The following CBLN4 variants were observed in gnomAD, a reference collection of about 807,000 sequenced individuals.
The protein encoded by CBLN4 is cerebellin 4 precursor.
Under a neutral mutation model 14.9 loss-of-function variants are expected in CBLN4, and 7 were observed. The ratio of observed to expected loss-of-function variants is 0.47; its 90% CI spans 0.27 to 0.88. The LOEUF is 0.88. Among genes scored for constraint, CBLN4 ranks in the 40% least tolerant of loss-of-function variants. CBLN4 has a pLI of 0.14. For missense variants in CBLN4, 188 were observed against 256.8 expected (o/e 0.73, Z 1.83); for synonymous variants, 131 against 116.5 (o/e 1.12, Z -0.80).
At position 56,000,778 on chromosome 20, in the gene CBLN4, T is replaced by A; in HGVS notation, c.361A>T (p.Ser121Cys). The A allele has an allele frequency of 6.2e-7, 1 of 1,602,666 alleles. No homozygotes were observed. Among genetic ancestry groups the A allele is most frequent in the Non-Finnish European group, 8.5e-7 (1 of 1,174,776 alleles). The change falls in exon 2 of 3, where the codon AGT becomes TGT. Residue 121 changes from serine to cysteine, a missense_variant. This residue lies in a region of CBLN4 where 93 missense variants were observed against 157.7 expected (regional missense o/e 0.59). Coordinates refer to ENST00000064571, the MANE Select transcript of CBLN4 (RefSeq NM_080617.6). ...ACTTTAATCACGTGAAAACTGAAAC[T>A]GTAAATTCCTTTTCTTGGTGCTACA... ...VFVAPRKGIYSFSFHVIKVYQ... is the reference protein window; with the variant it reads ...VFVAPRKGIYCFSFHVIKVYQ...
At chr20:55,998,948 T>C (rs1387749152) in intron 2 of CBLN4, among the ~76,000 whole-genome samples, 194 bp from the exon 3 acceptor site, 1 of 152,170 alleles carries the variant, frequency 6.6e-6, no homozygotes, top group Admixed American at 6.5e-5. Flanking sequence ...TTTTTAATTT[T>C]TTTTTTCTGA....
intron 1 of CBLN4, among the ~76,000 whole-genome samples, chr20:56,002,165 C>A (rs576360844): frequency 5.3e-5 from 8 of 152,120 alleles, no homozygotes; most frequent in Admixed American, 4.6e-4. Context: ...AACACATGTA[C>A]GTGTATAATT....
chr20:56,000,601 A>G, intron 2 of CBLN4, 130 bp downstream of exon 2: 1 of 463,296 alleles, frequency 2.2e-6, no homozygotes, highest in Middle Eastern at 3.1e-4. Context: ...AGTGTTTTAA[A>G]ATAAATGATA....
rs1383247582 is a variant in CBLN4, at chr20:55,997,713, C to T, written c.*844G>A. On this transcript the variant is annotated 3_prime_UTR_variant, in exon 3 of 3. Coordinates refer to ENST00000064571, the MANE Select transcript of CBLN4 (RefSeq NM_080617.6). ...TCATGTCTACGGAAAAAAAAAAAAC[C>T]TTAGGTTTTTAATAAAGTGGTTATT... 6.6e-6 allele frequency: 1 copy of T among 151,990 alleles called. No homozygotes were observed. Among genetic ancestry groups the T allele is most frequent in the Non-Finnish European group, 1.5e-5 (1 of 67,898 alleles). The allele number at this position is 151,990 out of a possible 1,614,324, so 9.4% of individuals were successfully genotyped here.
In CBLN4 at chr20:56,004,326, T is replaced by C; in HGVS notation, c.-155A>G. On this transcript the variant is annotated 5_prime_UTR_variant, in exon 1 of 3. Transcript: ENST00000064571. This position sits in a 1 kb window ranked among gnomAD's most constrained non-coding sequence, Gnocchi z 6.1. ...GCGGCGCGCACACTTCCACCAATTC[T>C]GTGGCTTGAAGTCAAAGTCTCCCCT... is the stretch of plus-strand genomic sequence containing the variant. 5 of 672,922 alleles carry C rather than the reference T, an allele frequency of 7.4e-6. No individual in the cohort carries two copies. The highest frequency in any genetic ancestry group is 1.1e-5 in the Non-Finnish European group (5 of 441,654). 41.7% of individuals were successfully genotyped at this position (672,922 alleles called of 1,614,324 possible).
At chr20:56,001,206 C>A (rs146728039) in intron 1 of CBLN4, among the ~76,000 whole-genome samples, 1 of 152,330 alleles carries the variant, frequency 6.6e-6, no homozygotes, top group African/African-American at 2.4e-5. Context: ...CTGGAAACAT[C>A]GAGCTAACAT....
intron 1 of CBLN4, among the ~76,000 whole-genome samples, chr20:56,001,320 G>A (rs1335215618): frequency 6.6e-6 from 1 of 152,206 alleles, no homozygotes; most frequent in Admixed American, 6.5e-5. Context: ...GTCCAGAGGT[G>A]ACGTTTCCAA....
chr20:56,005,368 G>C lies in CBLN4; in HGVS notation c.-1197C>G, dbSNP rs1388659089. ...TCCAAGCGGAGCGCGGCGCTGCCAG[G>C]CCGGGTCGCGAAAAAGGATAAGCCG... On this transcript the variant is annotated 5_prime_UTR_variant, in exon 1 of 3. Coordinates refer to ENST00000064571, the MANE Select transcript of CBLN4 (RefSeq NM_080617.6). 6.6e-6 allele frequency: 1 copy of C among 152,268 alleles called. No homozygotes were observed. Among genetic ancestry groups the C allele is most frequent in the Non-Finnish European group, 1.5e-5 (1 of 68,084 alleles). The allele number at this position is 152,268 out of a possible 1,614,324, so 9.4% of individuals were successfully genotyped here. A position where few individuals can be genotyped will look rare whatever the true frequency, so the allele number is the denominator to read the frequency against.
Position 56,004,149 on chromosome 20 carries a change from A to T in CBLN4, c.23T>A (p.Leu8Gln), listed in dbSNP as rs1364994440. 6.4e-7 allele frequency: 1 copy of T among 1,553,526 alleles called. No individual in the cohort carries two copies. Among genetic ancestry groups the T allele is most frequent in the African/African-American group, 1.4e-5 (1 of 72,902 alleles). The change falls in exon 1 of 3, where the codon CTG (leucine) becomes CAG (glutamine). Residue 8 changes from leucine to glutamine, a missense_variant. Leu to Gln is a moderately radical substitution (Grantham distance 113). Transcript: ENST00000064571. The surrounding 1 kb of genome is among the most constrained non-coding windows in gnomAD (Gnocchi z 6.1). ...CAGCAGCACGGCCGGCACCGCGGAC[A>T]GCGCCCGGCGCCCGGAGCCCATGGT... MGSGRRA[L>Q]SAVPAVLLVL...
intron 1 of CBLN4, among the ~76,000 whole-genome samples, chr20:56,001,323 G>A (rs751563191): frequency 6.6e-6 from 1 of 152,204 alleles, no homozygotes; most frequent in East Asian, 1.9e-4. Context: ...CAGAGGTGAC[G>A]TTTCCAAGCC....
chr20:56,004,189 G>C lies in CBLN4; in HGVS notation c.-18C>G. The C allele has an allele frequency of 7.1e-7, 1 of 1,410,680 alleles. No homozygotes were observed. Among genetic ancestry groups the C allele is most frequent in the Middle Eastern group, 2.5e-4 (1 of 3,954 alleles). 87.4% of individuals were successfully genotyped at this position (1,410,680 alleles called of 1,614,324 possible). On this transcript the variant is annotated 5_prime_UTR_variant, in exon 1 of 3. Coordinates refer to ENST00000064571, the MANE Select transcript of CBLN4 (RefSeq NM_080617.6). The surrounding 1 kb of genome is among the most constrained non-coding windows in gnomAD (Gnocchi z 6.1). ...GAGCCCATGGTGAGCCGTGTGGGCA[G>C]CCGCAGCCGGCTGGCGCTGGTGCTC...
rs1986316040 is a variant in CBLN4 at position 55,998,416 on chromosome 20, G to C, written c.*141C>G. On this transcript the variant is annotated 3_prime_UTR_variant, in exon 3 of 3. Coordinates refer to ENST00000064571, the MANE Select transcript of CBLN4 (RefSeq NM_080617.6). Reference sequence around the variant, plus strand: ...ATCTGTGAAATTTTGTATTGGTTCAGACAGGCTAGAATCCTTAGAATCCAT... The same window carrying C: ...ATCTGTGAAATTTTGTATTGGTTCACACAGGCTAGAATCCTTAGAATCCAT... The C allele has an allele frequency of 2.3e-6, 2 of 885,384 alleles. No homozygotes were observed. Among genetic ancestry groups the C allele is most frequent in the South Asian group, 1.8e-5 (1 of 56,786 alleles). The allele number at this position is 885,384 out of a possible 1,614,324, so 54.8% of individuals were successfully genotyped here.
intron 2 of CBLN4, among the ~76,000 whole-genome samples, chr20:56,000,215 T>G (rs546554890): frequency 1.2e-4 from 18 of 152,366 alleles, no homozygotes; most frequent in African/African-American, 4.1e-4. Context: ...TAACTGAGGA[T>G]AAACACAAGC....
Position 56,000,791 on chromosome 20 carries a change from T to A in CBLN4, c.348A>T (p.Arg116Ser). 6.2e-7 allele frequency: 1 copy of A among 1,603,656 alleles called. No individual in the cohort carries two copies. Among genetic ancestry groups the A allele is most frequent in the Non-Finnish European group, 8.5e-7 (1 of 1,175,238 alleles). Residue 116 changes from arginine to serine, a missense_variant, in exon 2 of 3, where the codon AGA (arginine) becomes AGT (serine). Transcript: ENST00000064571. The part of the protein sequence containing the change: ...FTLESVFVAP[R>S]KGIYSFSFHV... ...GAAAACTGAAACTGTAAATTCCTTT[T>A]CTTGGTGCTACAAAGACAGACTCCA...
rs147981980 is a variant in CBLN4 at position 55,997,574 on chromosome 20, A to G, written c.*983T>C. On this transcript the variant is annotated 3_prime_UTR_variant, in exon 3 of 3. Coordinates refer to ENST00000064571, the MANE Select transcript of CBLN4 (RefSeq NM_080617.6). ...TTTAATATTAGCTAAACAGATAAATATATACAATTTAAAGAGTTAAGGCAA... is the reference window on the plus strand; with the variant it reads ...TTTAATATTAGCTAAACAGATAAATGTATACAATTTAAAGAGTTAAGGCAA... 9.2e-5 allele frequency: 14 copies of G among 152,686 alleles called. No homozygotes were observed. The highest frequency in any genetic ancestry group is 9.2e-4 in the Admixed American group (14 of 15,294). 9.5% of individuals were successfully genotyped at this position (152,686 alleles called of 1,614,324 possible). A position where few individuals can be genotyped will look rare whatever the true frequency, so the allele number is the denominator to read the frequency against.
chr20:56,005,371 G>T lies in CBLN4; in HGVS notation c.-1200C>A, dbSNP rs1986452129. ...AAGCGGAGCGCGGCGCTGCCAGGCC[G>T]GGTCGCGAAAAAGGATAAGCCGCCG... On this transcript the variant is annotated 5_prime_UTR_variant, in exon 1 of 3. Transcript: ENST00000064571. 6.6e-6 allele frequency: 1 copy of T among 152,250 alleles called. No homozygotes were observed. Among genetic ancestry groups the T allele is most frequent in the Non-Finnish European group, 1.5e-5 (1 of 68,068 alleles). 9.4% of individuals were successfully genotyped at this position (152,250 alleles called of 1,614,324 possible). A position where few individuals can be genotyped will look rare whatever the true frequency, so the allele number is the denominator to read the frequency against.
chr20:55,998,997 A>T (rs776181521), intron 2 of CBLN4, among the ~76,000 whole-genome samples: 9 of 152,032 alleles, frequency 5.9e-5, no homozygotes, highest in Non-Finnish European at 1.3e-4. Context: ...AATAACATCT[A>T]TGGAGACCAA....
At chr20:56,001,577 G>A (rs753853620) in intron 1 of CBLN4, among the ~76,000 whole-genome samples, 1 of 152,100 alleles carries the variant, frequency 6.6e-6, no homozygotes, top group Non-Finnish European at 1.5e-5. Context: ...GCCCTTGTGG[G>A]CTGCCAAAGA....
In CBLN4 at chr20:56,004,915, C is replaced by G. The variant is rs951473850; in HGVS notation, c.-744G>C. On this transcript the variant is annotated 5_prime_UTR_variant, in exon 1 of 3. Transcript: ENST00000064571. The surrounding 1 kb of genome is among the most constrained non-coding windows in gnomAD (Gnocchi z 6.1). Reference sequence around the variant, plus strand: ...GGCGGCTGGTCCGGCGGGGTCCTCTCCTGCCTGGCCGCCCGCCCCCAGTCC... The same window carrying G: ...GGCGGCTGGTCCGGCGGGGTCCTCTGCTGCCTGGCCGCCCGCCCCCAGTCC... The G allele has an allele frequency of 6.6e-6, 1 of 152,440 alleles. No individual in the cohort carries two copies. Among genetic ancestry groups the G allele is most frequent in the Non-Finnish European group, 1.5e-5 (1 of 68,236 alleles). The allele number at this position is 152,440 out of a possible 1,614,324, so 9.4% of individuals were successfully genotyped here.
Sources: gnomAD v4.1 joint callset for allele counts (sites outside exome capture counted in the v4.1 genomes callset) on GRCh38, gnomAD v4.1.1 for gene constraint, gnomAD v4.1.1 regional missense constraint, Gnocchi (gnomAD v3.1) non-coding constraint, MANE v1.5 for transcripts, NCBI Gene and HGNC (gene_info 2026-07-23, HGNC 2026-07-21) for gene names.